The following ATG3 variants were observed in gnomAD, a reference collection of about 807,000 sequenced individuals.
ATG3 encodes autophagy related 3, also known as ubiquitin-like-conjugating enzyme ATG3.
A neutral mutation model predicts 50.7 loss-of-function variants in ATG3; 25 were observed. The observed-to-expected ratio is 0.49, with a 90% CI of 0.36 to 0.69. The LOEUF is 0.69. Among genes scored for constraint, ATG3 ranks in the 30% least tolerant of loss-of-function variants. The pLI is 0.00. For synonymous variants in ATG3, 119 were observed against 125.5 expected (o/e 0.95, Z 0.34); for missense variants, 281 against 376.0 (o/e 0.75, Z 2.09).
At position 112,537,615 on chromosome 3, in the gene ATG3, A is replaced by T; in HGVS notation, c.666+120T>A. 4.2e-6 allele frequency: 3 copies of T among 721,922 alleles called. No individual in the cohort carries two copies. The South Asian group carries it at 9.0e-5, about 22-fold the overall frequency. 44.7% of individuals were successfully genotyped at this position (721,922 alleles called of 1,614,324 possible). A position where few individuals can be genotyped will look rare whatever the true frequency, so the allele number is the denominator to read the frequency against. ...GTTCAACATTAATCATAAAACTGTAAAACAGATGATTTCCAAAATGTGAAA... is the reference window on the plus strand; with the variant it reads ...GTTCAACATTAATCATAAAACTGTATAACAGATGATTTCCAAAATGTGAAA... On this transcript the variant is annotated intron_variant, in intron 9 of 11. Coordinates refer to ENST00000283290, the MANE Select transcript of ATG3 (RefSeq NM_022488.5).
At chr3:112,556,513 G>A (rs1484775104) in intron 2 of ATG3, among the ~76,000 whole-genome samples, 6 of 152,208 alleles carry the variant, frequency 3.9e-5, no homozygotes, top group South Asian at 4.1e-4. Flanking sequence ...CCACCACCCC[G>A]TCTGGGAGGT....
intron 2 of ATG3, among the ~76,000 whole-genome samples, chr3:112,555,733 T>C (rs766083639): frequency 3.9e-5 from 6 of 152,242 alleles, no homozygotes; most frequent in Admixed American, 6.5e-5. Flanking sequence ...TCCAGGCTCA[T>C]TCTACTCTAA....
In ATG3 at chr3:112,544,150, A is replaced by T. The variant is rs372812664; in HGVS notation, c.344-44T>A. 4.8e-6 allele frequency: 7 copies of T among 1,453,710 alleles called. 1 individual carries two copies. The highest frequency in any genetic ancestry group is 2.8e-5 in the African/African-American group (2 of 70,856). 90.1% of individuals were successfully genotyped at this position (1,453,710 alleles called of 1,614,324 possible). A position where few individuals can be genotyped will look rare whatever the true frequency, so the allele number is the denominator to read the frequency against. On this transcript the variant is annotated intron_variant, in intron 5 of 11. Coordinates refer to ENST00000283290, the MANE Select transcript of ATG3 (RefSeq NM_022488.5). ...AAAAGAATAACTAAAATTAAACTGT[A>T]AACACCCTATTTACTTATTAAAGCA...
rs761064050 is a variant in ATG3 at position 112,561,558 on chromosome 3, G to A, written c.-30C>T. 1.9e-6 allele frequency: 3 copies of A among 1,601,844 alleles called. No homozygotes were observed. The highest frequency in any genetic ancestry group is 2.2e-5 in the East Asian group (1 of 44,622). Reference sequence around the variant, plus strand: ...GGGCCGGAGTAGCGGCCGGCCCCGCGACGGGATGGAAAGTGCAGCCGTGTC... The same window carrying A: ...GGGCCGGAGTAGCGGCCGGCCCCGCAACGGGATGGAAAGTGCAGCCGTGTC... On this transcript the variant is annotated 5_prime_UTR_variant, in exon 1 of 12. Coordinates refer to ENST00000283290, the MANE Select transcript of ATG3 (RefSeq NM_022488.5).
intron 6 of ATG3, among the ~76,000 whole-genome samples, chr3:112,542,740 G>A (rs1933264952): frequency 6.6e-6 from 1 of 151,972 alleles, no homozygotes; most frequent in South Asian, 2.1e-4. Flanking sequence ...AAGTAGAATA[G>A]AAATTGACAA....
chr3:112,541,866 C>A lies in ATG3; in HGVS notation c.412G>T (p.Asp138Tyr). Residue 138 changes from aspartate to tyrosine, a missense_variant, in exon 7 of 12, where the codon GAT (aspartate) becomes TAT (tyrosine). Asp to Tyr is a radical substitution (Grantham distance 160, BLOSUM62 -3). Transcript: ENST00000283290. ...TCCTCTTCACATAGTGCTGAGCAAT[C>A]TTGAAGCCTTATATTGTCCTTTGAA... ...LENKDNIRLQ[D>Y]CSALCEEEED... 1 of 1,611,734 alleles carries A rather than the reference C, an allele frequency of 6.2e-7. No homozygotes were observed. The highest frequency in any genetic ancestry group is 8.5e-7 in the Non-Finnish European group (1 of 1,179,226).
At chr3:112,541,375 C>T (rs1319065289) in intron 7 of ATG3, among the ~76,000 whole-genome samples, 1 of 151,004 alleles carries the variant, frequency 6.6e-6, no homozygotes, top group Non-Finnish European at 1.5e-5. Context: ...GAGAGTGAGA[C>T]TCCGTCTCAA....
Position 112,541,892 on chromosome 3 carries a change from A to T in ATG3, c.394-8T>A. ...TTGAAGCCTTATATTGTCCTTTGAA[A>T]TTAATTATATTTAAAATCACTTAAG... On this transcript the variant is annotated splice_region_variant and splice_polypyrimidine_tract_variant and intron_variant, in intron 6 of 11. Coordinates refer to ENST00000283290, the MANE Select transcript of ATG3 (RefSeq NM_022488.5). The T allele has an allele frequency of 1.9e-6, 3 of 1,597,928 alleles. No individual in the cohort carries two copies. Among genetic ancestry groups the T allele is most frequent in the Non-Finnish European group, 2.6e-6 (3 of 1,168,634 alleles).
Position 112,536,121 on chromosome 3 carries a change from A to G in ATG3, c.794+354T>C, listed in dbSNP as rs1933038038. The G allele has an allele frequency of 1.0e-5, 2 of 193,018 alleles. 1 individual carries two copies. Among genetic ancestry groups the G allele is most frequent in the Admixed American group, 1.4e-4 (2 of 14,102 alleles). The allele number at this position is 193,018 out of a possible 1,614,324, so 12.0% of individuals were successfully genotyped here. ...AGTCTACATTCACAGAAAGGCAGTC[A>G]CAACACAGCAAACCATATCTAAATG... is the stretch of plus-strand genomic sequence containing the variant. On this transcript the variant is annotated intron_variant, in intron 10 of 11. Transcript: ENST00000283290.
chr3:112,538,840 G>A (rs749915857), intron 7 of ATG3, among the ~76,000 whole-genome samples: 1 of 152,034 alleles, frequency 6.6e-6, no homozygotes, highest in Admixed American at 6.6e-5. Flanking sequence ...TTTATTTTAC[G>A]TCTCTACTAA....
At chr3:112,546,174 CA>C (rs35251867) in intron 5 of ATG3, among the ~76,000 whole-genome samples, 5 of 151,412 alleles carry the variant, frequency 3.3e-5, no homozygotes, top group East Asian at 1.9e-4. Flanking sequence ...CAACAACAAA[CA>C]AAAAAAAACC....
At chr3:112,551,330 G>A (rs1028401480) in intron 3 of ATG3, among the ~76,000 whole-genome samples, 2 of 152,134 alleles carry the variant, frequency 1.3e-5, no homozygotes, top group African/African-American at 2.4e-5. Context: ...GGCAACACCC[G>A]AAGTTCTGAG....
At chr3:112,546,541 C>T (rs1377598322) in intron 5 of ATG3, among the ~76,000 whole-genome samples, 2 of 152,144 alleles carry the variant, frequency 1.3e-5, no homozygotes, top group Non-Finnish European at 2.9e-5. Flanking sequence ...TAACTGAAAC[C>T]ACAGAAAGCA....
chr3:112,532,853 ATT>A (rs2082566016), intron 11 of ATG3, 73 bp from the exon 12 acceptor site: 2 of 1,422,290 alleles, frequency 1.4e-6, no homozygotes, highest in Non-Finnish European at 1.8e-6. Context: ...GTAATTATCC[ATT>A]TTATTAAGCC....
chr3:112,543,968 A>C, intron 6 of ATG3, 89 bp downstream of exon 6: 1 of 923,214 alleles, frequency 1.1e-6, no homozygotes. Context: ...TATAAGAAAG[A>C]TATGGTGATT....
intron 7 of ATG3, among the ~76,000 whole-genome samples, chr3:112,539,587 ATAAC>A (rs1933170787): frequency 2.0e-5 from 3 of 152,296 alleles, no homozygotes; most frequent in Non-Finnish European, 2.9e-5. Flanking sequence ...CTTAACACTT[ATAAC>A]TAATACTGTA....
chr3:112,557,404 G>C (rs1042969492), intron 2 of ATG3, among the ~76,000 whole-genome samples: 6 of 152,178 alleles, frequency 3.9e-5, no homozygotes, highest in African/African-American at 1.2e-4. Context: ...CGGATCACGA[G>C]GTCAAGAGGT....
At chr3:112,534,169 C>A in intron 11 of ATG3, 100 bp downstream of exon 11, 4 of 1,501,308 alleles carry the variant, frequency 2.7e-6, no homozygotes, top group East Asian at 2.4e-5. Flanking sequence ...GAAGTTAAAA[C>A]AAGTTATAGC....
At chr3:112,554,426 T>C (rs1933609514) in intron 2 of ATG3, among the ~76,000 whole-genome samples, 1 of 152,246 alleles carries the variant, frequency 6.6e-6, no homozygotes, top group African/African-American at 2.4e-5. Context: ...TCCTTGAGAA[T>C]GTATTTTGTG....
Sources: gnomAD v4.1 joint callset for allele counts (sites outside exome capture counted in the v4.1 genomes callset) on GRCh38, gnomAD v4.1.1 for gene constraint, MANE v1.5 for transcripts, NCBI Gene and HGNC (gene_info 2026-07-23, HGNC 2026-07-21) for gene names.